Variants in MYO9B observed in about 807,000 individuals in gnomAD.
MYO9B encodes myosin IXB.
Under a neutral mutation model 229.5 loss-of-function variants are expected in MYO9B, and 71 were observed. The observed-to-expected ratio is 0.31, with a 90% confidence interval of 0.26 to 0.38. The LOEUF is 0.38. Ranked by LOEUF, MYO9B falls within the 10% of genes least tolerant of loss-of-function variation. The pLI, the probability that MYO9B is intolerant of heterozygous loss-of-function variation, is 1.00. For synonymous variants in MYO9B, 1,185 were observed against 1,235.8 expected (o/e 0.96, Z 0.86); for missense variants, 2,255 against 2,920.5 (o/e 0.77, Z 5.25).
intron 15 of MYO9B, among the ~76,000 whole-genome samples, chr19:17,181,575 T>C (rs1053382309): frequency 6.6e-6 from 1 of 152,162 alleles, no homozygotes; most frequent in Admixed American, 6.5e-5. Context: ...GGGTAATGAC[T>C]CTCATGCTTC....
Position 17,207,226 on chromosome 19 carries a change from AC to A in MYO9B, c.5607del (p.Asp1869GlufsTer12). 6.3e-7 allele frequency: 1 copy of A among 1,598,394 alleles called. No homozygotes were observed. The highest frequency in any genetic ancestry group is 8.5e-7 in the Non-Finnish European group (1 of 1,173,838). On this transcript the variant is annotated frameshift_variant, in exon 35 of 40. Coordinates refer to ENST00000682292, the MANE Select transcript of MYO9B (RefSeq NM_004145.4). LOFTEE classifies it high-confidence loss of function. Reference protein sequence around the residue: ...DNSDPLTSMKDVLKITTCVEM... With the variant: ...DNSDPLTSMKXVLKITTCVEM... ...TCGGACCCGCTGACCAGCATGAAGGACGTCCTCAAGATCACCACGTGAGTGC... is the reference window on the plus strand; with the variant it reads ...TCGGACCCGCTGACCAGCATGAAGGAGTCCTCAAGATCACCACGTGAGTGC...
At position 17,194,635 on chromosome 19, in the gene MYO9B, G is replaced by A. The variant is rs199879171; in HGVS notation, c.3208G>A (p.Glu1070Lys). ...EALEAARAGA[E>K]EGGQGQAAGG... ...CCTGGAAGCCGCAAGAGCAGGTGCT[G>A]AGGAGGGCGGACAGGGTCAGGCGGC... The change falls in exon 22 of 40, where the codon GAG becomes AAG. Residue 1070 changes from glutamate to lysine, a missense_variant. Physicochemically the swap from Glu to Lys is moderately conservative, Grantham distance 56. This residue lies in a region of MYO9B where 679 missense variants were observed against 770.2 expected (regional missense o/e 0.88). Transcript: ENST00000682292. 2.4e-4 allele frequency: 384 copies of A among 1,612,678 alleles called. 2 individuals carry two copies. Among genetic ancestry groups the A allele is most frequent in the Admixed American group, 2.2e-4 (13 of 59,970 alleles).
intron 2 of MYO9B, among the ~76,000 whole-genome samples, chr19:17,108,458 T>C (rs1436315911): frequency 6.6e-6 from 1 of 152,174 alleles, no homozygotes; most frequent in Non-Finnish European, 1.5e-5. Context: ...GCAGCATCCC[T>C]GGCCTCCACC....
chr19:17,104,307 A>G (rs1206752150), intron 2 of MYO9B, among the ~76,000 whole-genome samples: 1 of 152,170 alleles, frequency 6.6e-6, no homozygotes, highest in African/African-American at 2.4e-5. Flanking sequence ...GAGGCAGCAG[A>G]GAAGGGACCA....
intron 2 of MYO9B, among the ~76,000 whole-genome samples, chr19:17,144,252 T>C (rs1182439457): frequency 6.6e-6 from 1 of 152,002 alleles, no homozygotes; most frequent in African/African-American, 2.4e-5. Context: ...TAAAGTTTAT[T>C]TAGACAACAG....
At chr19:17,189,635 T>C (rs374527493) in intron 19 of MYO9B, among the ~76,000 whole-genome samples, 1 of 150,608 alleles carries the variant, frequency 6.6e-6, no homozygotes, top group African/African-American at 2.4e-5. Context: ...AAAAAAAACA[T>C]GTTCCTCCAG....
At chr19:17,189,899 T>TA (rs1040693763) in intron 19 of MYO9B, among the ~76,000 whole-genome samples, 3 of 151,634 alleles carry the variant, frequency 2.0e-5, no homozygotes, top group South Asian at 2.1e-4. Flanking sequence ...CCGTCTCTAC[T>TA]AAAAAAAATT....
intron 2 of MYO9B, among the ~76,000 whole-genome samples, chr19:17,136,950 C>T (rs1277288466): frequency 6.6e-6 from 1 of 152,126 alleles, no homozygotes; most frequent in East Asian, 1.9e-4. Context: ...TAAAATTAGG[C>T]CAGGCACAGA....
intron 7 of MYO9B, among the ~76,000 whole-genome samples, chr19:17,158,747 A>T (rs781435186): frequency 8.5e-5 from 13 of 152,112 alleles, no homozygotes; most frequent in Non-Finnish European, 1.8e-4. Flanking sequence ...TGTGCAATGG[A>T]TGGGAACCAC....
At chr19:17,126,003 C>T (rs2058013866) in intron 2 of MYO9B, among the ~76,000 whole-genome samples, 1 of 152,130 alleles carries the variant, frequency 6.6e-6, no homozygotes, top group South Asian at 2.1e-4. Context: ...TGTCTTGCAC[C>T]ACATAGCTGC....
chr19:17,181,793 G>A (rs2072864546), intron 15 of MYO9B, among the ~76,000 whole-genome samples: 1 of 151,858 alleles, frequency 6.6e-6, no homozygotes, highest in African/African-American at 2.4e-5. Flanking sequence ...TTCTTTTTTT[G>A]AGACGGAGTT....
intron 3 of MYO9B, among the ~76,000 whole-genome samples, chr19:17,150,990 AT>A (rs67366512): frequency 0.1 from 10,761 of 104,506 alleles, 1,612 homozygotes; most frequent in African/African-American, 0.16. Flanking sequence ...AGAGAAAATG[AT>A]TGGTAAGGCC....
rs567518150 is a variant in MYO9B at position 17,193,487 on chromosome 19, G to A, written c.3128+425G>A. Among the ~76,000 whole-genome samples, 11 of 152,154 alleles carry A rather than the reference G, an allele frequency of 7.2e-5. No individual in the cohort carries two copies. Among genetic ancestry groups the A allele is most frequent in the East Asian group, 3.9e-4 (2 of 5,172 alleles). On this transcript the variant is annotated intron_variant, in intron 21 of 39. Coordinates refer to ENST00000682292, the MANE Select transcript of MYO9B (RefSeq NM_004145.4). This position sits in a 1 kb window ranked among gnomAD's most constrained non-coding sequence, Gnocchi z 4.3. ...ACAGCTCCGAGCCCAGCCCCTCCCC[G>A]ACCTAGGCACCCTGTTCACCTCTCC...
At chr19:17,144,016 A>C (rs2072376172) in intron 2 of MYO9B, among the ~76,000 whole-genome samples, 1 of 152,168 alleles carries the variant, frequency 6.6e-6, no homozygotes, top group African/African-American at 2.4e-5. Context: ...CCTGTGATAC[A>C]AGTTTACCTA....
At chr19:17,118,857 G>A (rs1285035509) in intron 2 of MYO9B, among the ~76,000 whole-genome samples, 1 of 152,136 alleles carries the variant, frequency 6.6e-6, no homozygotes, top group African/African-American at 2.4e-5. Context: ...TGTGGAAGGT[G>A]TAATTGTTAA....
At chr19:17,083,926 C>A (rs1378049876) in intron 1 of MYO9B, among the ~76,000 whole-genome samples, 7 of 152,096 alleles carry the variant, frequency 4.6e-5, no homozygotes, top group Non-Finnish European at 8.8e-5. Flanking sequence ...GCTGGGATTG[C>A]AGATGTGAGC....
At chr19:17,105,376 T>TC (rs1163751005) in intron 2 of MYO9B, among the ~76,000 whole-genome samples, 3 of 144,950 alleles carry the variant, frequency 2.1e-5, no homozygotes, top group Non-Finnish European at 4.5e-5. Context: ...TTGCCTGTGG[T>TC]CCCCCCTACG....
At chr19:17,124,105 T>C (rs2057992160) in intron 2 of MYO9B, among the ~76,000 whole-genome samples, 1 of 152,058 alleles carries the variant, frequency 6.6e-6, no homozygotes, top group African/African-American at 2.4e-5. Flanking sequence ...CCCAGGGTGG[T>C]CTCCAACTTG....
In MYO9B at chr19:17,210,837, C is replaced by T; in HGVS notation, c.5919C>T (p.Ile1973=). ...KEILIERIQS[I]KEEKEDITYR... ...TTCTCATTGAACGGATCCAGTCCAT[C>T]AAGGAGGAGAAGCAAGTGGCTCAGT... Residue 1973 remains isoleucine, a synonymous_variant, in exon 38 of 40, where the codon ATC becomes ATT. Transcript: ENST00000682292. The T allele has an allele frequency of 6.3e-7, 1 of 1,599,070 alleles. No individual in the cohort carries two copies. The highest frequency in any genetic ancestry group is 8.5e-7 in the Non-Finnish European group (1 of 1,173,252).
Sources: gnomAD v4.1 joint callset for allele counts (sites outside exome capture counted in the v4.1 genomes callset) on GRCh38, gnomAD v4.1.1 for gene constraint, gnomAD v4.1.1 regional missense constraint, Gnocchi (gnomAD v3.1) non-coding constraint, MANE v1.5 for transcripts, NCBI Gene and HGNC (gene_info 2026-07-23, HGNC 2026-07-21) for gene names.